Variants in SPTLC3 observed in about 807,000 individuals in gnomAD.
SPTLC3 encodes serine palmitoyltransferase long chain base subunit 3.
SPTLC3 carries 36 observed loss-of-function variants against 59.3 expected under a neutral mutation model. That is an observed-to-expected ratio of 0.61 (90% CI 0.47 to 0.80). The LOEUF (loss-of-function observed/expected upper bound fraction) is 0.80, where lower values mean the gene tolerates loss of function less well. SPTLC3 is among the 30% of genes least tolerant of loss of function. The pLI is 0.00. For synonymous variants in SPTLC3, 257 were observed against 240.8 expected, an observed-to-expected ratio of 1.07 and a Z score of -0.62; for missense variants, 625 against 685.1, an observed-to-expected ratio of 0.91 and a Z score of 0.98.
At chr20:13,022,369 C>T (rs1985928806) in intron 1 of SPTLC3, among the ~76,000 whole-genome samples, 1 of 152,204 alleles carries the variant, frequency 6.6e-6, no homozygotes, top group Admixed American at 6.5e-5. Flanking sequence ...CTGTCTATTG[C>T]TGCATAACAA....
chr20:13,017,910 C>A (rs1015552121), intron 1 of SPTLC3, among the ~76,000 whole-genome samples: 2 of 152,140 alleles, frequency 1.3e-5, no homozygotes, highest in African/African-American at 4.8e-5. Context: ...CAGCTTGAAC[C>A]CAGTCCTTGT....
Position 13,009,292 on chromosome 20 carries a change from G to C in SPTLC3, c.25G>C (p.Val9Leu), listed in dbSNP as rs1985101615. The change falls in exon 1 of 12, where the codon GTT (valine) becomes CTT (leucine). Residue 9 changes from valine to leucine, a missense_variant. By Grantham distance (32) the Val-to-Leu change is conservative. Coordinates refer to ENST00000399002, the MANE Select transcript of SPTLC3 (RefSeq NM_018327.4). ...CATGGCTAACCCTGGAGGTGGTGCTGTTTGCAACGGGAAACTTCACAATCA... is the reference window on the plus strand; with the variant it reads ...CATGGCTAACCCTGGAGGTGGTGCTCTTTGCAACGGGAAACTTCACAATCA... MANPGGGAVCNGKLHNHKK... is the reference protein window; with the variant it reads MANPGGGALCNGKLHNHKK... 6.2e-7 allele frequency: 1 copy of C among 1,614,108 alleles called. No homozygotes were observed. The highest frequency in any genetic ancestry group is 8.5e-7 in the Non-Finnish European group (1 of 1,179,990).
intron 6 of SPTLC3, among the ~76,000 whole-genome samples, chr20:13,102,606 C>T (rs1442185806): frequency 6.6e-6 from 1 of 152,166 alleles, no homozygotes; most frequent in Non-Finnish European, 1.5e-5. Flanking sequence ...CTCCCGTACA[C>T]CTCTCCCAGG....
At chr20:13,070,585 G>A (rs780577635) in intron 2 of SPTLC3, among the ~76,000 whole-genome samples, 1 of 152,174 alleles carries the variant, frequency 6.6e-6, no homozygotes, top group East Asian at 1.9e-4. Flanking sequence ...AAGCATAGGC[G>A]GGAGAATGAG....
Position 13,154,029 on chromosome 20 carries a change from A to G in SPTLC3, c.1306A>G (p.Lys436Glu). Reference protein sequence around the residue: ...QGLQRVQQLAKNTRYFRQRLQ... With the variant: ...QGLQRVQQLAENTRYFRQRLQ... The stretch of plus-strand genomic sequence containing the variant: ...GCTGCAGAGAGTACAGCAACTTGCG[A>G]AAAACACAAGATACTTCAGACAAAG... The change falls in exon 10 of 12, where the codon AAA becomes GAA. Residue 436 changes from lysine (K) to glutamate (E), a missense_variant. Physicochemically the swap from Lys to Glu is moderately conservative, Grantham distance 56. Coordinates refer to ENST00000399002, the MANE Select transcript of SPTLC3 (RefSeq NM_018327.4). 3.1e-6 allele frequency: 5 copies of G among 1,614,148 alleles called. No homozygotes were observed. The highest frequency in any genetic ancestry group is 4.2e-6 in the Non-Finnish European group (5 of 1,179,982).
chr20:13,153,413 C>A (rs892349445), intron 9 of SPTLC3, among the ~76,000 whole-genome samples: 53 of 152,082 alleles, frequency 3.5e-4, no homozygotes, highest in African/African-American at 1.2e-3. Flanking sequence ...AGCAGGGGTC[C>A]CCCTCTTTCC....
chr20:13,154,022 A>G lies in SPTLC3; in HGVS notation c.1299A>G (p.Gln433=). ...TTTCAGGGCTGCAGAGAGTACAGCA[A>G]CTTGCGAAAAACACAAGATACTTCA... ...GTTQGLQRVQ[Q]LAKNTRYFRQ... Residue 433 remains glutamine (Q), a synonymous_variant, in exon 10 of 12, where the codon CAA becomes CAG. Coordinates refer to ENST00000399002, the MANE Select transcript of SPTLC3 (RefSeq NM_018327.4). 6.2e-7 allele frequency: 1 copy of G among 1,614,126 alleles called. No individual in the cohort carries two copies. Among genetic ancestry groups the G allele is most frequent in the Non-Finnish European group, 8.5e-7 (1 of 1,179,958 alleles).
At chr20:13,069,063 G>A (rs1988340477) in intron 2 of SPTLC3, among the ~76,000 whole-genome samples, 1 of 152,166 alleles carries the variant, frequency 6.6e-6, no homozygotes, top group East Asian at 1.9e-4. Context: ...TGTGGCATGG[G>A]CTGGGAAGCC....
chr20:13,096,098 A>C (rs181145441), intron 6 of SPTLC3, among the ~76,000 whole-genome samples: 1 of 152,158 alleles, frequency 6.6e-6, no homozygotes, highest in Non-Finnish European at 1.5e-5. Flanking sequence ...CCACTAAAAT[A>C]GCTAAAATTT....
chr20:13,161,428 TACAG>T (rs2038894018), intron 11 of SPTLC3, among the ~76,000 whole-genome samples: 1 of 152,152 alleles, frequency 6.6e-6, no homozygotes, highest in African/African-American at 2.4e-5. Context: ...GAGGGATCCT[TACAG>T]CCAACAGTAG....
rs1343355980 is a variant in SPTLC3 at position 13,154,154 on chromosome 20, A to G, written c.1415+16A>G. On this transcript the variant is annotated intron_variant, in intron 10 of 11. Coordinates refer to ENST00000399002, the MANE Select transcript of SPTLC3 (RefSeq NM_018327.4). ...GTAAAGTAGCGTAAGTATCCAAGGC[A>G]TCTCATAATCACACCTAAACCCCAA... 1 of 1,613,612 alleles carries G rather than the reference A, an allele frequency of 6.2e-7. No individual in the cohort carries two copies.
chr20:13,048,498 T>C (rs1987328826), intron 1 of SPTLC3, among the ~76,000 whole-genome samples: 1 of 152,204 alleles, frequency 6.6e-6, no homozygotes, highest in South Asian at 2.1e-4. Context: ...AAGTTAAACA[T>C]AAGAGCTTGA....
intron 1 of SPTLC3, among the ~76,000 whole-genome samples, chr20:13,019,950 G>A (rs1430353962): frequency 6.6e-6 from 1 of 152,138 alleles, no homozygotes; most frequent in African/African-American, 2.4e-5. Context: ...AAATTAATAT[G>A]TCCATAACTG....
intron 2 of SPTLC3, among the ~76,000 whole-genome samples, chr20:13,061,881 A>T (rs1379658683): frequency 1.3e-5 from 2 of 152,186 alleles, no homozygotes; most frequent in Non-Finnish European, 2.9e-5. Context: ...GTCAGGTCAC[A>T]GCACATGTCT....
At chr20:13,100,962 AAGCACCAGTAGGTGAGCAGGGCACAG>A (rs1989580231) in intron 6 of SPTLC3, among the ~76,000 whole-genome samples, 1 of 75,622 alleles carries the variant, frequency 1.3e-5, no homozygotes, top group Non-Finnish European at 3.8e-5. Flanking sequence ...TGATGCCAGG[AAGCACCAGTAGGTGAGCAGGGCACAG>A]GAAGCACCAG....
chr20:13,029,882 C>T (rs1349550717), intron 1 of SPTLC3, among the ~76,000 whole-genome samples: 1 of 152,158 alleles, frequency 6.6e-6, no homozygotes, highest in East Asian at 1.9e-4. Flanking sequence ...GCTGCTGAAT[C>T]CTTGGCAAGT....
intron 4 of SPTLC3, among the ~76,000 whole-genome samples, chr20:13,078,441 C>T (rs1568591445): frequency 1.3e-5 from 2 of 151,396 alleles, no homozygotes; most frequent in Non-Finnish European, 2.9e-5. Flanking sequence ...TTAAATAGAA[C>T]ATAAACAAGA....
intron 11 of SPTLC3, among the ~76,000 whole-genome samples, chr20:13,161,914 G>C (rs2038903365): frequency 6.6e-6 from 1 of 152,104 alleles, no homozygotes; most frequent in Non-Finnish European, 1.5e-5. Flanking sequence ...GTACACAGTA[G>C]GTACACAGTA....
intron 8 of SPTLC3, among the ~76,000 whole-genome samples, chr20:13,120,973 A>G (rs1039192085): frequency 1.3e-5 from 2 of 152,226 alleles, no homozygotes; most frequent in Non-Finnish European, 2.9e-5. Flanking sequence ...ATTCCAGATC[A>G]CTACTTCTCT....
Sources: allele counts gnomAD v4.1 joint callset (sites outside exome capture counted in the v4.1 genomes callset), GRCh38; gene constraint gnomAD v4.1.1; transcripts MANE v1.5; gene names NCBI Gene and HGNC (gene_info 2026-07-23, HGNC 2026-07-21).